SETBP1: variants seen among roughly 807,000 people sequenced by gnomAD.
SETBP1 encodes the protein SET binding protein 1, also known as SET-binding protein.
A neutral mutation model predicts 101.0 loss-of-function variants in SETBP1; 9 were observed. The ratio of observed to expected loss-of-function variants is 0.09; its 90% CI spans 0.05 to 0.16. The LOEUF (loss-of-function observed/expected upper bound fraction) is 0.16. Among genes scored for constraint, SETBP1 ranks in the 10% least tolerant of loss-of-function variants. The pLI, the probability that SETBP1 is intolerant of heterozygous loss-of-function variation, is 1.00. For missense variants in SETBP1, 1,858 were observed against 2,033.8 expected (o/e 0.91, Z 1.66); for synonymous variants, 818 against 788.5 (o/e 1.04, Z -0.63).
chr18:45,015,108 T>C (rs1360301569), intron 4 of SETBP1, among the ~76,000 whole-genome samples: 1 of 152,146 alleles, frequency 6.6e-6, no homozygotes, highest in Non-Finnish European at 1.5e-5. Context: ...CCCTAGATTT[T>C]TCGGGGTCCA....
intron 4 of SETBP1, among the ~76,000 whole-genome samples, chr18:45,016,279 A>G (rs574776212): frequency 7.2e-4 from 110 of 152,274 alleles, no homozygotes; most frequent in African/African-American, 2.6e-3. Flanking sequence ...TGGCAGCCAC[A>G]GCGTCTAGGA....
At chr18:44,992,094 C>A (rs1484617147) in intron 4 of SETBP1, among the ~76,000 whole-genome samples, 3 of 152,010 alleles carry the variant, frequency 2.0e-5, no homozygotes, top group Non-Finnish European at 4.4e-5. Flanking sequence ...ATGCAGGCTG[C>A]AGCTAGGTTG....
At position 44,781,448 on chromosome 18, in the gene SETBP1, G is replaced by GCTCT. The variant is rs139439080; in HGVS notation, c.486+79637_486+79640dup. ...TAGAGCTGTTGTGCTTCTTTGCACCGCTCTCTCTCTCTCTCTCTCTCTCTG... is the reference window on the plus strand; with the variant it reads ...TAGAGCTGTTGTGCTTCTTTGCACCGCTCTCTCTCTCTCTCTCTCTCTCTCTCTG... On this transcript the variant is annotated intron_variant, in intron 2 of 5. Coordinates refer to ENST00000649279, the MANE Select transcript of SETBP1 (RefSeq NM_015559.3). Among the ~76,000 whole-genome samples, 96 of 142,710 alleles carry GCTCT rather than the reference G, an allele frequency of 6.7e-4. 1 individual carries two copies. The highest frequency in any genetic ancestry group is 1.7e-3 in the East Asian group (8 of 4,830). The allele number at this position is 142,710 out of a possible 152,430, so 93.6% of individuals were successfully genotyped here.
At chr18:44,814,610 A>C (rs937188048) in intron 2 of SETBP1, among the ~76,000 whole-genome samples, 1 of 152,218 alleles carries the variant, frequency 6.6e-6, no homozygotes, top group African/African-American at 2.4e-5. Context: ...GTTTGATTAA[A>C]ACCCCACATG....
At chr18:45,013,999 T>TTTCA (rs1184462654) in intron 4 of SETBP1, among the ~76,000 whole-genome samples, 2 of 151,416 alleles carry the variant, frequency 1.3e-5, no homozygotes, top group Admixed American at 6.6e-5. Flanking sequence ...CCATTCACTC[T>TTTCA]TTCATTCAAT....
At chr18:44,972,641 G>A (rs2071892604) in intron 4 of SETBP1, among the ~76,000 whole-genome samples, 1 of 152,176 alleles carries the variant, frequency 6.6e-6, no homozygotes, top group African/African-American at 2.4e-5. Context: ...TGAAGCAATT[G>A]TGAATGGGAG....
chr18:44,783,400 A>C (rs2071175449), intron 2 of SETBP1, among the ~76,000 whole-genome samples: 1 of 152,200 alleles, frequency 6.6e-6, no homozygotes, highest in Non-Finnish European at 1.5e-5. Flanking sequence ...AATCAGAAGA[A>C]AAGGAAGGAA....
intron 2 of SETBP1, among the ~76,000 whole-genome samples, chr18:44,736,041 G>A (rs1157543172): frequency 6.6e-6 from 1 of 152,244 alleles, no homozygotes; most frequent in Non-Finnish European, 1.5e-5. Flanking sequence ...TCCAAATGCA[G>A]GTCACTCTAC....
intron 3 of SETBP1, among the ~76,000 whole-genome samples, chr18:44,924,547 G>A (rs949310805): frequency 6.6e-6 from 1 of 152,102 alleles, no homozygotes. Context: ...GGAAACTGAG[G>A]TTCAGAGGAA....
chr18:45,058,345 T>A (rs2073841802), intron 5 of SETBP1, among the ~76,000 whole-genome samples: 1 of 152,158 alleles, frequency 6.6e-6, no homozygotes, highest in Non-Finnish European at 1.5e-5. Context: ...TTTGTGAATA[T>A]CAAACCCTGC....
intron 4 of SETBP1, among the ~76,000 whole-genome samples, chr18:45,021,319 G>A (rs192263049): frequency 1.3e-5 from 2 of 152,206 alleles, no homozygotes; most frequent in African/African-American, 2.4e-5. Flanking sequence ...AGGATGCCAC[G>A]GTTTAAATCT....
intron 4 of SETBP1, among the ~76,000 whole-genome samples, chr18:44,974,435 G>A (rs1008108937): frequency 2.4e-4 from 37 of 152,190 alleles, no homozygotes; most frequent in African/African-American, 8.7e-4. Flanking sequence ...CTGCAGGACT[G>A]CAGAAAGGCA....
At chr18:44,875,798 G>A (rs766173723) in intron 3 of SETBP1, among the ~76,000 whole-genome samples, 190 of 152,172 alleles carry the variant, frequency 1.2e-3, no homozygotes, top group Non-Finnish European at 1.8e-3. Context: ...CAGAGGCACG[G>A]GGAAGTTAAG....
At chr18:44,945,486 A>T (rs4890493) in intron 3 of SETBP1, among the ~76,000 whole-genome samples, 3 of 152,072 alleles carry the variant, frequency 2.0e-5, no homozygotes, top group Admixed American at 1.3e-4. Flanking sequence ...GGCTCAATGT[A>T]CATGGAAAAC....
chr18:45,021,646 G>C (rs1489432845), intron 4 of SETBP1, among the ~76,000 whole-genome samples: 1 of 152,062 alleles, frequency 6.6e-6, no homozygotes, highest in Admixed American at 6.5e-5. Flanking sequence ...AAGAAAAATT[G>C]AAAACCCCAG....
intron 2 of SETBP1, among the ~76,000 whole-genome samples, chr18:44,723,411 C>T (rs2069641581): frequency 6.6e-6 from 1 of 152,162 alleles, no homozygotes; most frequent in African/African-American, 2.4e-5. Flanking sequence ...ATCATCAGAG[C>T]TGTCTTCCCT....
chr18:44,687,965 C>A (rs1303055191), intron 1 of SETBP1, among the ~76,000 whole-genome samples: 1 of 152,084 alleles, frequency 6.6e-6, no homozygotes, highest in Non-Finnish European at 1.5e-5. Context: ...GATACGGTGA[C>A]CCACAGTCTG....
At chr18:44,915,268 G>T (rs898780967) in intron 3 of SETBP1, among the ~76,000 whole-genome samples, 1 of 152,146 alleles carries the variant, frequency 6.6e-6, no homozygotes, top group Non-Finnish European at 1.5e-5. Flanking sequence ...TGTCATTAAG[G>T]ACTGATCCTC....
chr18:44,798,278 A>C (rs1265950143), intron 2 of SETBP1, among the ~76,000 whole-genome samples: 7 of 152,210 alleles, frequency 4.6e-5, no homozygotes, highest in Non-Finnish European at 7.3e-5. Context: ...GTGTTCAAAA[A>C]TCATAAAATC....
Sources: allele counts gnomAD v4.1 joint callset (sites outside exome capture counted in the v4.1 genomes callset), GRCh38; gene constraint gnomAD v4.1.1; transcripts MANE v1.5; gene names NCBI Gene and HGNC (gene_info 2026-07-23, HGNC 2026-07-21).